TFCP2L1: variants seen among roughly 807,000 people sequenced by gnomAD.
The protein encoded by TFCP2L1 is transcription factor CP2 like 1, also known as transcription factor CP2-like protein 1.
Under a neutral mutation model 72.2 loss-of-function variants are expected in TFCP2L1, and 12 were observed. That is an observed-to-expected ratio of 0.17 (90% CI 0.11 to 0.27). TFCP2L1 has a LOEUF of 0.27. Among genes scored for constraint, TFCP2L1 ranks in the 10% least tolerant of loss-of-function variants. The pLI is 1.00. For synonymous variants in TFCP2L1, 260 were observed against 251.0 expected, an observed-to-expected ratio of 1.04 and a Z score of -0.34; for missense variants, 488 against 624.6, an observed-to-expected ratio of 0.78 and a Z score of 2.33.
chr2:121,278,198 G>A (rs1251508885), intron 2 of TFCP2L1, among the ~76,000 whole-genome samples: 2 of 147,644 alleles, frequency 1.4e-5, no homozygotes, highest in African/African-American at 2.5e-5. Flanking sequence ...CACCGCGCCC[G>A]GCTAATTTTT....
At chr2:121,269,242 A>C (rs969701814) in intron 2 of TFCP2L1, among the ~76,000 whole-genome samples, 12 of 151,760 alleles carry the variant, frequency 7.9e-5, no homozygotes, top group Admixed American at 2.6e-4. Flanking sequence ...TGAGTCCAAG[A>C]GTTCGAGACC....
intron 10 of TFCP2L1, 61 bp downstream of exon 10, chr2:121,237,562 G>A: frequency 1.3e-6 from 2 of 1,571,704 alleles, no homozygotes; most frequent in South Asian, 2.2e-5. Context: ...CTGGAAGGTG[G>A]CCAGCCTTGA....
intron 2 of TFCP2L1, among the ~76,000 whole-genome samples, chr2:121,274,081 G>A (rs982939123): frequency 2.1e-5 from 3 of 143,458 alleles, no homozygotes; most frequent in Non-Finnish European, 3.0e-5. Flanking sequence ...GCAGCAGAGC[G>A]AGACTCTGTC....
chr2:121,237,485 G>T, intron 10 of TFCP2L1, 138 bp downstream of exon 10: 1 of 961,950 alleles, frequency 1.0e-6, no homozygotes, highest in African/African-American at 1.6e-5. Context: ...GCACGTGAGC[G>T]AGCGAACCCA....
At chr2:121,265,511 T>A (rs1686911887) in intron 2 of TFCP2L1, among the ~76,000 whole-genome samples, 1 of 151,638 alleles carries the variant, frequency 6.6e-6, no homozygotes. Flanking sequence ...TGAGACAGGG[T>A]CTCACTCTGT....
chr2:121,263,919 A>G (rs1686878864), intron 2 of TFCP2L1, among the ~76,000 whole-genome samples: 1 of 152,252 alleles, frequency 6.6e-6, no homozygotes, highest in Non-Finnish European at 1.5e-5. Flanking sequence ...AAGTAAATGC[A>G]TTAACTTGCC....
Position 121,231,851 on chromosome 2 carries a change from C to T in TFCP2L1, c.1316G>A (p.Gly439Asp). Residue 439 changes from glycine (G) to aspartate (D), a missense_variant, in exon 13 of 15, where the codon GGC (glycine) becomes GAC (aspartate). Gly to Asp is a moderately conservative substitution (Grantham distance 94, BLOSUM62 -1). Around this residue, in one of 3 missense-constraint regions of TFCP2L1, gnomAD observed 286 missense variants for 329.0 expected, o/e 0.87. Coordinates refer to ENST00000263707, the MANE Select transcript of TFCP2L1 (RefSeq NM_014553.3). ...CTCGTTGCTCACCACCACATGGATG[C>T]CCGTGGGGCCCTGCCGGTAGACTCG... ...IHRVYRQGPT[G>D]IHVVVSNEMV... 6.2e-7 allele frequency: 1 copy of T among 1,613,188 alleles called. No individual in the cohort carries two copies. Among genetic ancestry groups the T allele is most frequent in the Non-Finnish European group, 8.5e-7 (1 of 1,179,554 alleles).
chr2:121,249,451 G>A (rs1686559810), intron 3 of TFCP2L1, 120 bp downstream of exon 3: 2 of 892,792 alleles, frequency 2.2e-6, no homozygotes, highest in Non-Finnish European at 3.6e-6. Context: ...TGAGGGCTGA[G>A]CTGAACCCGG....
chr2:121,240,432 C>T (rs1343265778), intron 7 of TFCP2L1: 5 of 985,310 alleles, frequency 5.1e-6, no homozygotes, highest in Non-Finnish European at 6.0e-6. Context: ...GAAGCATTCC[C>T]GAAGATTTAC....
At chr2:121,272,048 A>AG (rs1687058325) in intron 2 of TFCP2L1, among the ~76,000 whole-genome samples, 1 of 152,160 alleles carries the variant, frequency 6.6e-6, no homozygotes, top group African/African-American at 2.4e-5. Flanking sequence ...CCTGCACCGA[A>AG]GTGCCTGGCC....
chr2:121,257,599 A>G (rs920325027), intron 2 of TFCP2L1, among the ~76,000 whole-genome samples: 1 of 152,148 alleles, frequency 6.6e-6, no homozygotes, highest in African/African-American at 2.4e-5. Flanking sequence ...TGCACCCCAC[A>G]TGTCCAACAC....
intron 2 of TFCP2L1, among the ~76,000 whole-genome samples, chr2:121,263,200 T>C (rs1170843963): frequency 6.6e-6 from 1 of 152,152 alleles, no homozygotes; most frequent in Non-Finnish European, 1.5e-5. Flanking sequence ...CCTCCCAAAG[T>C]GCTGGGATTA....
chr2:121,273,395 C>G (rs1412839504), intron 2 of TFCP2L1, among the ~76,000 whole-genome samples: 1 of 152,206 alleles, frequency 6.6e-6, no homozygotes, highest in Non-Finnish European at 1.5e-5. Flanking sequence ...TGACCTTTGG[C>G]CACTGACAAA....
At chr2:121,227,605 C>A (rs1355982334) in intron 13 of TFCP2L1, among the ~76,000 whole-genome samples, 1 of 152,024 alleles carries the variant, frequency 6.6e-6, no homozygotes, top group Non-Finnish European at 1.5e-5. Context: ...CGCTTGAATG[C>A]AGGAGGCGGA....
chr2:121,234,346 A>T, intron 11 of TFCP2L1, 152 bp from the exon 12 acceptor site: 1 of 686,006 alleles, frequency 1.5e-6, no homozygotes, highest in Non-Finnish European at 2.5e-6. Flanking sequence ...GTGGTGGATG[A>T]CCCTCCCAGG....
chr2:121,275,862 C>T (rs940094696), intron 2 of TFCP2L1, among the ~76,000 whole-genome samples: 13 of 152,126 alleles, frequency 8.5e-5, no homozygotes, highest in Admixed American at 3.9e-4. Context: ...TGAGCCACCG[C>T]GCCCAGTTGA....
At chr2:121,253,760 G>A (rs1407541943) in intron 2 of TFCP2L1, among the ~76,000 whole-genome samples, 1 of 152,182 alleles carries the variant, frequency 6.6e-6, no homozygotes, top group African/African-American at 2.4e-5. Flanking sequence ...AGCTTCTCCT[G>A]GGCCAGGGAT....
rs533633576 is a variant in TFCP2L1 at position 121,281,380 on chromosome 2, C to T, written c.63-109G>A. The T allele has an allele frequency of 1.2e-5, 15 of 1,281,584 alleles. No homozygotes were observed. The African/African-American group carries it at 1.4e-4, about 12-fold the overall frequency. 79.4% of individuals were successfully genotyped at this position (1,281,584 alleles called of 1,614,324 possible). A position where few individuals can be genotyped will look rare whatever the true frequency, so the allele number is the denominator to read the frequency against. The stretch of plus-strand genomic sequence containing the variant: ...CAGACCACCGGGGCCCAGGGTGACA[C>T]GGCACGCGCATCGCAGGGTGCTGGC... On this transcript the variant is annotated intron_variant, in intron 1 of 14. Transcript: ENST00000263707.
At chr2:121,260,449 C>T (rs1025490419) in intron 2 of TFCP2L1, among the ~76,000 whole-genome samples, 1 of 152,196 alleles carries the variant, frequency 6.6e-6, no homozygotes, top group African/African-American at 2.4e-5. Context: ...ATAGTAAGTA[C>T]TCAGCAAGGG....
Sources: allele counts gnomAD v4.1 joint callset (sites outside exome capture counted in the v4.1 genomes callset), GRCh38; gene constraint gnomAD v4.1.1; regional missense constraint gnomAD v4.1.1; transcripts MANE v1.5; gene names NCBI Gene and HGNC (gene_info 2026-07-23, HGNC 2026-07-21).